The following CTNNA3 variants were observed in gnomAD, a reference collection of about 807,000 sequenced individuals.
CTNNA3 encodes the protein catenin alpha 3, also known as catenin alpha-3.
CTNNA3 carries 76 observed loss-of-function variants against 95.7 expected under a neutral mutation model. The ratio of observed to expected loss-of-function variants is 0.79; its 90% confidence interval spans 0.66 to 0.96. The LOEUF is 0.96. CTNNA3 is among the 40% of genes least tolerant of loss of function. The probability of loss-of-function intolerance (pLI) is 0.00; values close to 1 mark genes in which losing one functional copy is unlikely to be tolerated. For synonymous variants in CTNNA3, 431 were observed against 374.4 expected (o/e 1.15, Z -1.74); for missense variants, 1,191 against 1,089.8 (o/e 1.09, Z -1.31).
In CTNNA3 at chr10:65,957,111, C is replaced by T. The variant is rs10996793; in HGVS notation, c.2400+9501G>A. Among the ~76,000 whole-genome samples, 2,208 of 152,238 alleles carry T rather than the reference C, an allele frequency of 0.015. 108 individuals are homozygous for T. The East Asian group carries it at 0.18, about 12-fold the overall frequency. On this transcript the variant is annotated intron_variant, in intron 17 of 17. Coordinates refer to ENST00000433211, the MANE Select transcript of CTNNA3 (RefSeq NM_013266.4). ...TATATATTTAGGACAGTTATCTCTT[C>T]TTGTTGAATTGATCCCTTTACCATT...
At chr10:66,690,252 T>C (rs186298987) in intron 9 of CTNNA3, among the ~76,000 whole-genome samples, 3 of 152,322 alleles carry the variant, frequency 2.0e-5, no homozygotes, top group Admixed American at 6.5e-5. Context: ...TGAATTCTAA[T>C]ATAATTTTAT....
In CTNNA3 at chr10:66,729,310, C is replaced by T. The variant is rs12247194; in HGVS notation, c.1281+36954G>A. Among the ~76,000 whole-genome samples the T allele has an allele frequency of 8.6e-3, 1,312 of 152,224 alleles. 17 individuals carry two copies. The highest frequency in any genetic ancestry group is 0.03 in the African/African-American group (1,245 of 41,534). On this transcript the variant is annotated intron_variant, in intron 9 of 17. Transcript: ENST00000433211. Reference sequence around the variant, plus strand: ...AAAGTCAAAAAACAACAGATGCTGGCGAGGTTACGGAGAAAAAGGAATATT... The same window carrying T: ...AAAGTCAAAAAACAACAGATGCTGGTGAGGTTACGGAGAAAAAGGAATATT...
intron 7 of CTNNA3, among the ~76,000 whole-genome samples, chr10:67,143,224 T>A (rs1342521934): frequency 6.6e-6 from 1 of 151,844 alleles, no homozygotes; most frequent in East Asian, 1.9e-4. Flanking sequence ...GTGGATCACC[T>A]GAGGTCAGGA....
At chr10:66,270,643 T>G (rs2091260264) in intron 13 of CTNNA3, among the ~76,000 whole-genome samples, 1 of 152,158 alleles carries the variant, frequency 6.6e-6, no homozygotes, top group Non-Finnish European at 1.5e-5. Context: ...AAGCATAAAA[T>G]TGAGCAAGAA....
chr10:67,043,653 A>G (rs1262769440), intron 7 of CTNNA3, among the ~76,000 whole-genome samples: 1 of 152,090 alleles, frequency 6.6e-6, no homozygotes, highest in East Asian at 1.9e-4. Context: ...GTTAACACCA[A>G]TTCTTGCAGT....
intron 5 of CTNNA3, among the ~76,000 whole-genome samples, chr10:67,318,159 A>C (rs987893741): frequency 4.6e-5 from 7 of 152,166 alleles, no homozygotes; most frequent in African/African-American, 1.7e-4. Flanking sequence ...TAGGCACCCC[A>C]GTCCCCTTCT....
In CTNNA3 at chr10:66,428,930, A is replaced by T. The variant is rs190067012; in HGVS notation, c.1532-49578T>A. Reference sequence around the variant, plus strand: ...GAGCAGAACTGAAGGAGATAGAGACACAAAAAACCCTTCAAAAAATCAATG... The same window carrying T: ...GAGCAGAACTGAAGGAGATAGAGACTCAAAAAACCCTTCAAAAAATCAATG... On this transcript the variant is annotated intron_variant, in intron 11 of 17. Coordinates refer to ENST00000433211, the MANE Select transcript of CTNNA3 (RefSeq NM_013266.4). Among the ~76,000 whole-genome samples, 742 of 152,208 alleles carry T rather than the reference A, an allele frequency of 4.9e-3. 6 individuals carry two copies. Among genetic ancestry groups the T allele is most frequent in the African/African-American group, 0.012 (498 of 41,534 alleles).
At chr10:66,981,444 A>C (rs1368235204) in intron 7 of CTNNA3, among the ~76,000 whole-genome samples, 1 of 152,118 alleles carries the variant, frequency 6.6e-6, no homozygotes, top group Admixed American at 6.6e-5. Flanking sequence ...CATATGACTT[A>C]CCCATCCCCA....
intron 7 of CTNNA3, among the ~76,000 whole-genome samples, chr10:66,801,319 T>C (rs1589269744): frequency 6.6e-6 from 1 of 151,478 alleles, no homozygotes; most frequent in South Asian, 2.1e-4. Context: ...TATATTTTTA[T>C]ATAATAAAAA....
chr10:66,432,825 T>C (rs1452358369), intron 11 of CTNNA3, among the ~76,000 whole-genome samples: 1 of 151,082 alleles, frequency 6.6e-6, no homozygotes, highest in African/African-American at 2.4e-5. Context: ...CCCAACAGGG[T>C]ATGTGATGTT....
At chr10:66,309,873 C>G (rs994263423) in intron 12 of CTNNA3, among the ~76,000 whole-genome samples, 3 of 149,760 alleles carry the variant, frequency 2.0e-5, no homozygotes, top group Non-Finnish European at 4.4e-5. Flanking sequence ...GCCTAGCCAA[C>G]ATGGTGAAAC....
chr10:66,537,145 G>A (rs1035218984), intron 10 of CTNNA3, among the ~76,000 whole-genome samples: 19 of 151,898 alleles, frequency 1.3e-4, no homozygotes, highest in African/African-American at 4.4e-4. Context: ...CAAATAACTC[G>A]AGTGGTTTCT....
intron 7 of CTNNA3, among the ~76,000 whole-genome samples, chr10:66,998,992 C>T (rs1027237927): frequency 6.6e-6 from 1 of 152,084 alleles, no homozygotes; most frequent in Non-Finnish European, 1.5e-5. Flanking sequence ...TCACTCAGAA[C>T]TTCTGTGCAT....
intron 6 of CTNNA3, among the ~76,000 whole-genome samples, chr10:67,212,692 A>C (rs1370874767): frequency 6.6e-6 from 1 of 151,866 alleles, no homozygotes; most frequent in Non-Finnish European, 1.5e-5. Flanking sequence ...TTCTGTATCT[A>C]CTGAGATTAT....
rs1448459786 is a variant in CTNNA3, at chr10:67,502,025, C to T, written c.579+19817G>A. 3.3e-5 allele frequency among the ~76,000 whole-genome samples: 5 copies of T among 152,118 alleles called. 1 individual carries two copies. The South Asian group carries it at 1.0e-3, about 31-fold the overall frequency. On this transcript the variant is annotated intron_variant, in intron 5 of 17. Coordinates refer to ENST00000433211, the MANE Select transcript of CTNNA3 (RefSeq NM_013266.4). ...TCCCTTGCTGGTGAAGAGTTGTGAT[C>T]CTTTGAAGGAAAGAGGCATTCTGAG...
chr10:67,161,368 A>G (rs939478136), intron 7 of CTNNA3, among the ~76,000 whole-genome samples: 2 of 151,698 alleles, frequency 1.3e-5, no homozygotes, highest in Admixed American at 1.3e-4. Context: ...AATATACATA[A>G]AACAAATATT....
At chr10:67,637,764 A>G (rs951657963) in intron 2 of CTNNA3, among the ~76,000 whole-genome samples, 9 of 152,244 alleles carry the variant, frequency 5.9e-5, no homozygotes, top group African/African-American at 2.2e-4. Context: ...CAGCCAAACT[A>G]AACTTCATAA....
At position 66,758,071 on chromosome 10, in the gene CTNNA3, A is replaced by T. The variant is rs181179857; in HGVS notation, c.1281+8193T>A. ...TTATTTTTAAAGTTATTTTCATCCT[A>T]TAAAAGCCATAAAATAACCACTCCT... On this transcript the variant is annotated intron_variant, in intron 9 of 17. Transcript: ENST00000433211. Among the ~76,000 whole-genome samples, 36 of 152,024 alleles carry T rather than the reference A, an allele frequency of 2.4e-4. No individual in the cohort carries two copies. The East Asian group carries it at 5.8e-3, about 24-fold the overall frequency.
chr10:66,084,707 A>T lies in CTNNA3; in HGVS notation c.1978-15218T>A, dbSNP rs1338794699. ...CTAAAGATTCATTTAATAAATCCCC[A>T]AGTGAGTTATGAATTATTTCCCCAG... is the stretch of plus-strand genomic sequence containing the variant. On this transcript the variant is annotated intron_variant, in intron 14 of 17. Transcript: ENST00000433211. Among the ~76,000 whole-genome samples, 4 of 152,176 alleles carry T rather than the reference A, an allele frequency of 2.6e-5. No homozygotes were observed. In the East Asian group the frequency reaches 7.7e-4, roughly 29 times the overall value.
Sources: gnomAD v4.1 joint callset for allele counts (sites outside exome capture counted in the v4.1 genomes callset) on GRCh38, gnomAD v4.1.1 for gene constraint, MANE v1.5 for transcripts, NCBI Gene and HGNC (gene_info 2026-07-23, HGNC 2026-07-21) for gene names.